Variants in LARGE1 observed in about 807,000 individuals in gnomAD.
LARGE1 encodes LARGE xylosyl- and glucuronyltransferase 1, also known as xylosyl- and glucuronyltransferase LARGE1.
In LARGE1, 43 loss-of-function variants were observed where a neutral mutation model predicts 87.6. The ratio of observed to expected loss-of-function variants is 0.49; its 90% CI spans 0.38 to 0.63. The LOEUF is 0.63. Among genes scored for constraint, LARGE1 ranks in the 30% least tolerant of loss-of-function variants. The pLI is 0.00. For synonymous variants in LARGE1, 434 were observed against 394.6 expected (o/e 1.10, Z -1.18); for missense variants, 802 against 1,000.2 (o/e 0.80, Z 2.67).
At chr22:33,818,250 C>T (rs771358302) in intron 1 of LARGE1, among the ~76,000 whole-genome samples, 21 of 152,122 alleles carry the variant, frequency 1.4e-4, no homozygotes, top group Non-Finnish European at 1.3e-4. Flanking sequence ...TGATTCAGGG[C>T]ATGGGTTAAA....
At chr22:33,921,092 G>GGCGCCCGCC (rs1297349970), upstream of LARGE1, among the ~76,000 whole-genome samples, 265 of 150,602 alleles carry the variant, frequency 1.8e-3, 4 homozygotes, top group Non-Finnish European at 6.7e-4. The surrounding 1 kb of genome is among the most constrained non-coding windows in gnomAD (Gnocchi z 4.1). Context: ...CGGCGCCCGC[G>GGCGCCCGCC]TCGGCGCCCG....
chr22:33,222,243 AG>A (rs1282810960), intron 11 of LARGE1, among the ~76,000 whole-genome samples: 4 of 152,276 alleles, frequency 2.6e-5, no homozygotes, highest in Middle Eastern at 3.4e-3. Context: ...CTGTGCCTCC[AG>A]GGTGCTGCAC....
intron 1 of LARGE1, chr22:33,873,062 C>G (rs1167004592): frequency 2.6e-5 from 4 of 152,134 alleles, no homozygotes; most frequent in Non-Finnish European, 5.9e-5. Flanking sequence ...AAGCAAGCCT[C>G]TTACATTAAA....
intron 11 of LARGE1, among the ~76,000 whole-genome samples, chr22:33,170,414 G>GAGCT (rs1415365136): frequency 6.6e-6 from 1 of 151,942 alleles, no homozygotes; most frequent in Non-Finnish European, 1.5e-5. Flanking sequence ...AGACCTCATA[G>GAGCT]AGCTAGCTTG....
rs1555954073 is a variant in LARGE1, at chr22:33,550,176, C to CACAT, written c.787+14671_787+14672insATGT. Among the ~76,000 whole-genome samples the CACAT allele has an allele frequency of 1.5e-4, 18 of 120,582 alleles. No individual in the cohort carries two copies. The East Asian group carries it at 2.7e-3, about 18-fold the overall frequency. The allele number at this position is 120,582 out of a possible 152,430, so 79.1% of individuals were successfully genotyped here. On this transcript the variant is annotated intron_variant, in intron 6 of 14. Transcript: ENST00000397394. ...ACACACACACACACACACACACACA[C>CACAT]ATATATATATATGTATGTATGTATA...
At chr22:33,294,168 G>C (rs2146020734) in intron 12 of LARGE1, among the ~76,000 whole-genome samples, 1 of 152,362 alleles carries the variant, frequency 6.6e-6, no homozygotes, top group African/African-American at 2.4e-5. Flanking sequence ...TTCCACGCCT[G>C]TAACAGAAAT....
At chr22:33,619,512 G>A (rs1364759209) in intron 4 of LARGE1, among the ~76,000 whole-genome samples, 4 of 144,198 alleles carry the variant, frequency 2.8e-5, no homozygotes, top group Admixed American at 7.2e-5. Flanking sequence ...CCGAGACTGC[G>A]CCACTGCACT....
chr22:33,123,998 G>A, the LARGE1 span, among the ~76,000 whole-genome samples: 1 of 152,172 alleles, frequency 6.6e-6, no homozygotes, highest in Non-Finnish European at 1.5e-5. Context: ...GATAAATGAC[G>A]GCTCTGGCCA....
chr22:33,844,331 T>G (rs1468140398), intron 1 of LARGE1, among the ~76,000 whole-genome samples: 4 of 152,114 alleles, frequency 2.6e-5, no homozygotes, highest in Non-Finnish European at 4.4e-5. Flanking sequence ...TTTCCCAAAT[T>G]CAATGTATTC....
intron 6 of LARGE1, among the ~76,000 whole-genome samples, chr22:33,443,315 C>G (rs1473867429): frequency 6.6e-6 from 1 of 152,202 alleles, no homozygotes; most frequent in Non-Finnish European, 1.5e-5. Context: ...AAGCATTTCT[C>G]TCCCCAAGGG....
At chr22:33,844,240 A>G (rs1290152437) in intron 1 of LARGE1, among the ~76,000 whole-genome samples, 1 of 152,208 alleles carries the variant, frequency 6.6e-6, no homozygotes, top group Non-Finnish European at 1.5e-5. Flanking sequence ...AGATGAGAGC[A>G]GGTGAAACAA....
At chr22:33,094,780 G>T in the LARGE1 span, among the ~76,000 whole-genome samples, 2 of 152,160 alleles carry the variant, frequency 1.3e-5, no homozygotes, top group African/African-American at 4.8e-5. Flanking sequence ...GCGCAATGGC[G>T]CGATGTTGGC....
chr22:33,875,701 C>T (rs73154546), intron 1 of LARGE1, among the ~76,000 whole-genome samples: 1 of 152,160 alleles, frequency 6.6e-6, no homozygotes, highest in Non-Finnish European at 1.5e-5. Context: ...TGGGAGGAAG[C>T]CGCCTGATTT....
chr22:33,268,831 C>T (rs1723933382), downstream of LARGE1, among the ~76,000 whole-genome samples: 1 of 152,126 alleles, frequency 6.6e-6, no homozygotes, highest in South Asian at 2.1e-4. Flanking sequence ...GCCTTAGGGA[C>T]CCACATATTG....
At chr22:33,333,570 T>C (rs1201939358) in intron 10 of LARGE1, among the ~76,000 whole-genome samples, 1 of 152,220 alleles carries the variant, frequency 6.6e-6, no homozygotes, top group Non-Finnish European at 1.5e-5. Flanking sequence ...AACAGTTCAC[T>C]TCTTCATCTG....
intron 11 of LARGE1, among the ~76,000 whole-genome samples, chr22:33,236,332 C>T (rs1602130472): frequency 6.6e-6 from 1 of 152,134 alleles, no homozygotes; most frequent in African/African-American, 2.4e-5. Context: ...GATAGTGGTG[C>T]CATCTTTGGA....
chr22:33,550,759 C>T (rs1013227872), intron 6 of LARGE1, among the ~76,000 whole-genome samples: 5 of 152,202 alleles, frequency 3.3e-5, no homozygotes, highest in Non-Finnish European at 7.3e-5. Context: ...TTTATCACAA[C>T]ACTACTCACA....
At chr22:33,581,006 T>C (rs1000231939) in intron 5 of LARGE1, among the ~76,000 whole-genome samples, 3 of 152,228 alleles carry the variant, frequency 2.0e-5, no homozygotes, top group African/African-American at 7.2e-5. Context: ...ATGATGATGA[T>C]GACAAAAGTA....
intron 2 of LARGE1, among the ~76,000 whole-genome samples, chr22:33,728,976 T>C (rs1415375564): frequency 1.3e-5 from 2 of 152,164 alleles, no homozygotes; most frequent in Non-Finnish European, 2.9e-5. Flanking sequence ...GTATTAACTG[T>C]CACCCCCCTC....
Sources: gnomAD v4.1 joint callset for allele counts (sites outside exome capture counted in the v4.1 genomes callset) on GRCh38, gnomAD v4.1.1 for gene constraint, Gnocchi (gnomAD v3.1) non-coding constraint, MANE v1.5 for transcripts, NCBI Gene and HGNC (gene_info 2026-07-23, HGNC 2026-07-21) for gene names.